Variants in LRRFIP2 observed in about 807,000 individuals in gnomAD.
LRRFIP2 encodes the protein LRR binding FLII interacting protein 2.
A neutral mutation model predicts 125.9 loss-of-function variants in LRRFIP2; 109 were observed. That is an observed-to-expected ratio of 0.87 (90% CI 0.74 to 1.01). The LOEUF is 1.01. Among genes scored for constraint, LRRFIP2 ranks in the 50% least tolerant of loss-of-function variants. The probability of loss-of-function intolerance (pLI) is 0.00; values close to 1 mark genes in which losing one functional copy is unlikely to be tolerated. For missense variants in LRRFIP2, 850 were observed against 862.3 expected (o/e 0.99, Z 0.18); for synonymous variants, 291 against 293.1 (o/e 0.99, Z 0.07).
chr3:37,175,408 T>C (rs1205915826), upstream of LRRFIP2, among the ~76,000 whole-genome samples: 1 of 152,194 alleles, frequency 6.6e-6, no homozygotes, highest in Non-Finnish European at 1.5e-5. Flanking sequence ...TGTATTTGTA[T>C]CTCCCACGGT....
intron 6 of LRRFIP2, among the ~76,000 whole-genome samples, chr3:37,120,710 G>C (rs2094991127): frequency 6.6e-6 from 1 of 151,542 alleles, no homozygotes; most frequent in African/African-American, 2.4e-5. Context: ...TCATTTTACT[G>C]ATTAAGAAAA....
In LRRFIP2 at chr3:37,121,500, T is replaced by C. The variant is rs1219603672; in HGVS notation, c.322A>G (p.Ser108Gly). ...CAAGTTAAAATACCAACCCTGTGACTGCCAACACTTCGAATGGACAATGCA... is the reference window on the plus strand; with the variant it reads ...CAAGTTAAAATACCAACCCTGTGACCGCCAACACTTCGAATGGACAATGCA... The part of the protein sequence containing the change: ...EDALSIRSVG[S>G]HRYDMFKDRS... Residue 108 changes from serine (S) to glycine (G), a missense_variant, in exon 6 of 28, where the codon AGT (serine) becomes GGT (glycine). By Grantham distance (56) the Ser-to-Gly change is moderately conservative. Coordinates refer to ENST00000336686, the MANE Select transcript of LRRFIP2 (RefSeq NM_006309.4). 5.0e-6 allele frequency: 8 copies of C among 1,613,878 alleles called. No homozygotes were observed. Among genetic ancestry groups the C allele is most frequent in the Non-Finnish European group, 5.9e-6 (7 of 1,179,886 alleles).
chr3:37,110,675 T>A (rs1222016336), intron 9 of LRRFIP2, among the ~76,000 whole-genome samples: 3 of 152,212 alleles, frequency 2.0e-5, no homozygotes. Context: ...AATTATGTGA[T>A]AAAGGAAATA....
intron 7 of LRRFIP2, among the ~76,000 whole-genome samples, chr3:37,113,288 C>T (rs1403750464): frequency 1.3e-5 from 2 of 152,136 alleles, no homozygotes; most frequent in African/African-American, 2.4e-5. Flanking sequence ...TCACACCACA[C>T]TTGAGTCCCT....
At chr3:37,072,984 C>A in intron 20 of LRRFIP2, 102 bp from the exon 21 acceptor site, 2 of 723,258 alleles carry the variant, frequency 2.8e-6, no homozygotes, top group Non-Finnish European at 2.3e-6. Flanking sequence ...GAAACTTAAC[C>A]AAAAGGGAAA....
intron 4 of LRRFIP2, among the ~76,000 whole-genome samples, chr3:37,125,683 AT>A (rs2095246388): frequency 6.6e-6 from 1 of 152,282 alleles, no homozygotes; most frequent in South Asian, 2.1e-4. Context: ...TTCATTCCCT[AT>A]TCATGTCCCA....
intron 1 of LRRFIP2, among the ~76,000 whole-genome samples, chr3:37,162,876 C>T (rs1343399663): frequency 2.0e-5 from 3 of 152,172 alleles, no homozygotes; most frequent in Non-Finnish European, 4.4e-5. Context: ...GTCTTGACCC[C>T]GTGTTGATAA....
intron 2 of LRRFIP2, among the ~76,000 whole-genome samples, chr3:37,148,107 C>T (rs1173844559): frequency 2.0e-5 from 3 of 152,126 alleles, no homozygotes; most frequent in African/African-American, 7.2e-5. Context: ...ATGAGTATTT[C>T]TATAATATAG....
At chr3:37,115,342 T>C (rs1030042747) in intron 6 of LRRFIP2, among the ~76,000 whole-genome samples, 3 of 152,156 alleles carry the variant, frequency 2.0e-5, no homozygotes, top group Non-Finnish European at 1.5e-5. Flanking sequence ...ACAACAAAAT[T>C]CATAATCAGT....
Position 37,152,368 on chromosome 3 carries a change from A to C in LRRFIP2, c.-55-3330T>G, listed in dbSNP as rs577190878. 2.6e-5 allele frequency among the ~76,000 whole-genome samples: 4 copies of C among 152,324 alleles called. No homozygotes were observed. In the East Asian group the frequency reaches 7.7e-4, roughly 29 times the overall value. On this transcript the variant is annotated intron_variant, in intron 1 of 27. Transcript: ENST00000336686. ...CATAAACTGCTTGGGTGACAGGTGC[A>C]CTAAAATCTCAGAAATCACCACTAA...
chr3:37,128,669 A>G (rs1435890668), intron 3 of LRRFIP2, among the ~76,000 whole-genome samples: 1 of 152,118 alleles, frequency 6.6e-6, no homozygotes, highest in Non-Finnish European at 1.5e-5. Context: ...ATTTTCCTCT[A>G]TTATTAAATA....
intron 1 of LRRFIP2, among the ~76,000 whole-genome samples, chr3:37,173,343 C>T (rs1386709634): frequency 6.6e-6 from 1 of 151,984 alleles, no homozygotes; most frequent in Non-Finnish European, 1.5e-5. Flanking sequence ...GCTGGGACTG[C>T]AGGGACACAC....
intron 4 of LRRFIP2, among the ~76,000 whole-genome samples, chr3:37,124,660 C>G (rs929328835): frequency 6.6e-6 from 1 of 152,052 alleles, no homozygotes; most frequent in Non-Finnish European, 1.5e-5. Context: ...CTGAGACCAG[C>G]ATTTAGACGT....
At chr3:37,150,643 A>T (rs773017740) in intron 1 of LRRFIP2, among the ~76,000 whole-genome samples, 1 of 152,082 alleles carries the variant, frequency 6.6e-6, no homozygotes, top group Non-Finnish European at 1.5e-5. Context: ...TGCAACCCAA[A>T]TTTCATGCCC....
chr3:37,107,921 C>A (rs985834790), intron 13 of LRRFIP2, 152 bp downstream of exon 13: 1 of 517,126 alleles, frequency 1.9e-6, no homozygotes, highest in Non-Finnish European at 3.4e-6. Flanking sequence ...ATTATTAGGA[C>A]AAATTAGTGC....
At position 37,108,617 on chromosome 3, in the gene LRRFIP2, C is replaced by T. The variant is rs1226079109; in HGVS notation, c.657+20G>A. Reference sequence around the variant, plus strand: ...CCCACATTTCCCTCCTCTTCACCACCTTCCCCTATTTAGACTTACAGTTCG... The same window carrying T: ...CCCACATTTCCCTCCTCTTCACCACTTTCCCCTATTTAGACTTACAGTTCG... On this transcript the variant is annotated intron_variant, in intron 12 of 27. Coordinates refer to ENST00000336686, the MANE Select transcript of LRRFIP2 (RefSeq NM_006309.4). 2 of 1,596,972 alleles carry T rather than the reference C, an allele frequency of 1.3e-6. No homozygotes were observed. Among genetic ancestry groups the T allele is most frequent in the South Asian group, 2.2e-5 (2 of 89,758 alleles).
intron 18 of LRRFIP2, among the ~76,000 whole-genome samples, chr3:37,086,069 G>T (rs1347861889): frequency 6.6e-6 from 1 of 152,158 alleles, no homozygotes; most frequent in African/African-American, 2.4e-5. Context: ...CAAGGACCTG[G>T]ATATTTCTCC....
chr3:37,111,513 G>C (rs761543768), intron 8 of LRRFIP2, among the ~76,000 whole-genome samples: 1 of 152,140 alleles, frequency 6.6e-6, no homozygotes, highest in Admixed American at 6.5e-5. Flanking sequence ...GAGAGAGTAC[G>C]ATAAATATGG....
At chr3:37,088,063 T>C (rs750626846) in intron 18 of LRRFIP2, among the ~76,000 whole-genome samples, 33 of 152,216 alleles carry the variant, frequency 2.2e-4, no homozygotes, top group Non-Finnish European at 4.4e-5. Flanking sequence ...CAGGTGATTA[T>C]GACACACACC....
Sources: allele counts gnomAD v4.1 joint callset (sites outside exome capture counted in the v4.1 genomes callset), GRCh38; gene constraint gnomAD v4.1.1; transcripts MANE v1.5; gene names NCBI Gene and HGNC (gene_info 2026-07-23, HGNC 2026-07-21).